LCMT1: variants seen among roughly 807,000 people sequenced by gnomAD.
LCMT1 encodes leucine carboxyl methyltransferase 1, also known as [Phosphatase 2A protein]-leucine-carboxy methyltransferase 1.
Under a neutral mutation model 47.7 loss-of-function variants are expected in LCMT1, and 32 were observed. The observed-to-expected ratio is 0.67, with a 90% CI of 0.51 to 0.90. The LOEUF (loss-of-function observed/expected upper bound fraction) is 0.90, where lower values mean the gene tolerates loss of function less well. Among genes scored for constraint, LCMT1 ranks in the 40% least tolerant of loss-of-function variants. The pLI, the probability that LCMT1 is intolerant of heterozygous loss-of-function variation, is 0.00. For synonymous variants in LCMT1, 152 were observed against 149.7 expected (o/e 1.02, Z -0.11); for missense variants, 375 against 415.2 (o/e 0.90, Z 0.84).
chr16:25,154,294 A>G (rs895071400), intron 5 of LCMT1, among the ~76,000 whole-genome samples: 1 of 151,728 alleles, frequency 6.6e-6, no homozygotes, highest in Non-Finnish European at 1.5e-5. Flanking sequence ...TACAGGCGTG[A>G]GCCACTGGGC....
chr16:25,164,301 G>A (rs1450982392), intron 6 of LCMT1, among the ~76,000 whole-genome samples: 2 of 152,156 alleles, frequency 1.3e-5, no homozygotes, highest in African/African-American at 4.8e-5. Context: ...TTATGTTGGC[G>A]TGGTGTGAGT....
rs759992062 is a variant in LCMT1 at position 25,178,121 on chromosome 16, G to A, written c.*98G>A. 1.0e-5 allele frequency: 11 copies of A among 1,096,556 alleles called. No homozygotes were observed. The highest frequency in any genetic ancestry group is 1.5e-5 in the Non-Finnish European group (11 of 722,684). 67.9% of individuals were successfully genotyped at this position (1,096,556 alleles called of 1,614,324 possible). ...AGCGGTGGGCGGGCCTCGTCCGCAG[G>A]TCTCATCCCACACTCTTGAGAAGCC... On this transcript the variant is annotated 3_prime_UTR_variant, in exon 11 of 11. Coordinates refer to ENST00000399069, the MANE Select transcript of LCMT1 (RefSeq NM_016309.3).
At chr16:25,150,342 T>G (rs1436509494) in intron 4 of LCMT1, among the ~76,000 whole-genome samples, 1 of 138,356 alleles carries the variant, frequency 7.2e-6, no homozygotes, top group African/African-American at 2.8e-5. Context: ...GGTTTTTTTT[T>G]TTTTTTTTTT....
At chr16:25,113,745 C>T (rs1597552070) in intron 1 of LCMT1, among the ~76,000 whole-genome samples, 3 of 152,198 alleles carry the variant, frequency 2.0e-5, no homozygotes, top group South Asian at 4.1e-4. Context: ...AAGTGATTCT[C>T]CTGCCTCAAC....
chr16:25,117,377 T>C (rs61332054), intron 1 of LCMT1, among the ~76,000 whole-genome samples: 6,118 of 152,264 alleles, frequency 0.04, 437 homozygotes, highest in African/African-American at 0.14. Context: ...GTGTGACATA[T>C]ATACTGTACC....
At position 25,113,526 on chromosome 16, in the gene LCMT1, A is replaced by G. The variant is rs568257029; in HGVS notation, c.113+1530A>G. ...GTGGACAAAAATGATATTTAATATT[A>G]GTAGAGCACTTGGAGCAGTGTCTGG... On this transcript the variant is annotated intron_variant, in intron 1 of 10. Transcript: ENST00000399069. 9.2e-5 allele frequency among the ~76,000 whole-genome samples: 14 copies of G among 152,364 alleles called. No individual in the cohort carries two copies. In the East Asian group the frequency reaches 2.1e-3, roughly 23 times the overall value.
At chr16:25,140,363 G>GC (rs1960647953) in intron 4 of LCMT1, 116 bp downstream of exon 4, 10 of 766,576 alleles carry the variant, frequency 1.3e-5, no homozygotes, top group South Asian at 3.3e-5. Flanking sequence ...TCCGTTCACT[G>GC]CCCCCCACCA....
chr16:25,178,054 C>G lies in LCMT1; in HGVS notation c.*31C>G. The G allele has an allele frequency of 6.2e-7, 1 of 1,612,190 alleles. No individual in the cohort carries two copies. The highest frequency in any genetic ancestry group is 1.7e-4 in the Middle Eastern group (1 of 6,056). Reference sequence around the variant, plus strand: ...CGAAGGCTTATGCCGAGCCAGAAGCCGAAGCCACTTGCCCTCCTGGAGGAG... The same window carrying G: ...CGAAGGCTTATGCCGAGCCAGAAGCGGAAGCCACTTGCCCTCCTGGAGGAG... On this transcript the variant is annotated 3_prime_UTR_variant, in exon 11 of 11. Coordinates refer to ENST00000399069, the MANE Select transcript of LCMT1 (RefSeq NM_016309.3).
At chr16:25,115,738 C>A (rs571994139) in intron 1 of LCMT1, among the ~76,000 whole-genome samples, 1 of 152,130 alleles carries the variant, frequency 6.6e-6, no homozygotes. Flanking sequence ...AGTGCAGTGG[C>A]GCGATGTTGG....
Position 25,178,117 on chromosome 16 carries a change from G to C in LCMT1, c.*94G>C. The C allele has an allele frequency of 8.6e-7, 1 of 1,163,296 alleles. No homozygotes were observed. The highest frequency in any genetic ancestry group is 1.3e-6 in the Non-Finnish European group (1 of 780,592). The allele number at this position is 1,163,296 out of a possible 1,614,324, so 72.1% of individuals were successfully genotyped here. Reference sequence around the variant, plus strand: ...CCTGAGCGGTGGGCGGGCCTCGTCCGCAGGTCTCATCCCACACTCTTGAGA... The same window carrying C: ...CCTGAGCGGTGGGCGGGCCTCGTCCCCAGGTCTCATCCCACACTCTTGAGA... On this transcript the variant is annotated 3_prime_UTR_variant, in exon 11 of 11. Transcript: ENST00000399069.
chr16:25,153,425 A>G (rs1304990420), intron 5 of LCMT1, among the ~76,000 whole-genome samples: 1 of 152,200 alleles, frequency 6.6e-6, no homozygotes, highest in Non-Finnish European at 1.5e-5. Context: ...AAGGCAAGAG[A>G]GCATGACTGT....
intron 4 of LCMT1, among the ~76,000 whole-genome samples, chr16:25,150,695 A>T (rs548755846): frequency 6.6e-6 from 1 of 152,082 alleles, no homozygotes; most frequent in Non-Finnish European, 1.5e-5. Flanking sequence ...CTTTTAAATT[A>T]GTCATTTAAA....
At chr16:25,146,759 G>A (rs1378293634) in intron 4 of LCMT1, 1 of 152,160 alleles carries the variant, frequency 6.6e-6, no homozygotes, top group African/African-American at 2.4e-5. Context: ...GCTGCCTCTG[G>A]GTCTGCATGG....
chr16:25,113,732 T>G (rs1487816240), intron 1 of LCMT1, among the ~76,000 whole-genome samples: 5 of 152,154 alleles, frequency 3.3e-5, no homozygotes, highest in African/African-American at 4.8e-5. Context: ...ACCTGCCGGG[T>G]TCAAGTGATT....
chr16:25,147,500 C>G (rs1229372834), intron 4 of LCMT1: 1 of 152,160 alleles, frequency 6.6e-6, no homozygotes, highest in Admixed American at 6.5e-5. Flanking sequence ...GCTCTGGGTC[C>G]TAGCATAACT....
intron 5 of LCMT1, chr16:25,160,748 A>T: frequency 1.9e-6 from 1 of 527,820 alleles, no homozygotes; most frequent in South Asian, 1.4e-5. Context: ...GATGTCCCTG[A>T]TGCTGTTGTT....
chr16:25,173,587 A>G (rs1961838885), intron 9 of LCMT1, among the ~76,000 whole-genome samples: 1 of 152,244 alleles, frequency 6.6e-6, no homozygotes, highest in Non-Finnish European at 1.5e-5. Flanking sequence ...TTCATATGTT[A>G]GCAGTGGCTA....
At chr16:25,173,799 C>A (rs1348961547) in intron 9 of LCMT1, among the ~76,000 whole-genome samples, 3 of 152,108 alleles carry the variant, frequency 2.0e-5, no homozygotes, top group Non-Finnish European at 2.9e-5. Context: ...CCCACCTTGG[C>A]CTCCCAAAGC....
chr16:25,140,283 G>A (rs747643621), intron 4 of LCMT1, 36 bp downstream of exon 4: 10 of 1,437,850 alleles, frequency 7.0e-6, no homozygotes, highest in South Asian at 2.4e-5. Flanking sequence ...AAAAGCCAGC[G>A]AGAATTCAGA....
Sources: allele counts gnomAD v4.1 joint callset (sites outside exome capture counted in the v4.1 genomes callset), GRCh38; gene constraint gnomAD v4.1.1; transcripts MANE v1.5; gene names NCBI Gene and HGNC (gene_info 2026-07-23, HGNC 2026-07-21).